The following PPM1L variants were observed in gnomAD, a reference collection of about 807,000 sequenced individuals.
The protein encoded by PPM1L is protein phosphatase 1L.
A neutral mutation model predicts 31.4 loss-of-function variants in PPM1L; 13 were observed. The ratio of observed to expected loss-of-function variants is 0.41; its 90% CI spans 0.27 to 0.66. The LOEUF is 0.66. Among genes scored for constraint, PPM1L ranks in the 30% least tolerant of loss-of-function variants. The pLI is 0.29. For missense variants in PPM1L, 326 were observed against 453.7 expected (o/e 0.72, Z 2.56); for synonymous variants, 184 against 175.4 (o/e 1.05, Z -0.39).
At chr3:160,967,106 A>T (rs1473942911) in intron 2 of PPM1L, among the ~76,000 whole-genome samples, 1 of 151,908 alleles carries the variant, frequency 6.6e-6, no homozygotes, top group African/African-American at 2.4e-5. Flanking sequence ...GGTAGTGAAT[A>T]AATCACACAA....
intron 1 of PPM1L, among the ~76,000 whole-genome samples, chr3:160,867,347 A>G (rs1401683459): frequency 8.7e-6 from 1 of 114,676 alleles, no homozygotes; most frequent in Non-Finnish European, 1.8e-5. Context: ...TTTTTTTTGC[A>G]TTAGAGAAAA....
intron 1 of PPM1L, among the ~76,000 whole-genome samples, chr3:160,799,072 G>A (rs934471595): frequency 1.9e-4 from 29 of 152,216 alleles, no homozygotes; most frequent in African/African-American, 6.3e-4. Flanking sequence ...AGTAGATGAG[G>A]AGGAGTTGCT....
chr3:160,776,510 A>G (rs937701534), intron 1 of PPM1L, among the ~76,000 whole-genome samples: 4 of 152,130 alleles, frequency 2.6e-5, no homozygotes, highest in Non-Finnish European at 1.5e-5. Flanking sequence ...ATGGCTATGA[A>G]TATTTAGACT....
intron 2 of PPM1L, among the ~76,000 whole-genome samples, chr3:160,974,490 A>C: frequency 6.6e-6 from 1 of 150,928 alleles, no homozygotes; most frequent in East Asian, 2.0e-4. Flanking sequence ...TCCCACCAAC[A>C]GTGTAAAAGT....
rs1553746135 is a variant in PPM1L at position 160,927,627 on chromosome 3, T to TGTGC, written c.400-34108_400-34107insTGCG. 3.2e-3 allele frequency among the ~76,000 whole-genome samples: 485 copies of TGTGC among 151,920 alleles called. 4 individuals carry two copies. Among genetic ancestry groups the TGTGC allele is most frequent in the African/African-American group, 0.011 (463 of 41,370 alleles). Reference sequence around the variant, plus strand: ...CCCTATGTGTGTGTGTGTGTGTGTGTGCGTGCGTGTGCGTGCGCGCGCATG... The same window carrying TGTGC: ...CCCTATGTGTGTGTGTGTGTGTGTGTGTGCGCGTGCGTGTGCGTGCGCGCGCATG... On this transcript the variant is annotated intron_variant, in intron 1 of 3. Transcript: ENST00000498165.
At chr3:160,817,375 G>C (rs541887763) in intron 1 of PPM1L, among the ~76,000 whole-genome samples, 6 of 152,080 alleles carry the variant, frequency 3.9e-5, no homozygotes, top group Admixed American at 3.9e-4. Flanking sequence ...TTGTTGAGAT[G>C]TGAGGTAATG....
chr3:161,056,814 T>C (rs901601999), intron 2 of PPM1L, among the ~76,000 whole-genome samples: 17 of 151,968 alleles, frequency 1.1e-4, no homozygotes, highest in Non-Finnish European at 2.2e-4. Context: ...GTAATCCTAG[T>C]ACTTTGGGAG....
chr3:161,030,123 A>ATTG (rs1718516871), intron 2 of PPM1L, among the ~76,000 whole-genome samples: 1 of 152,230 alleles, frequency 6.6e-6, no homozygotes, highest in African/African-American at 2.4e-5. Context: ...CAAATCAGCA[A>ATTG]CTGCTATGGT....
chr3:160,998,464 C>T, intron 2 of PPM1L, among the ~76,000 whole-genome samples: 1 of 152,002 alleles, frequency 6.6e-6, no homozygotes, highest in East Asian at 1.9e-4. Flanking sequence ...CATTCTTGTC[C>T]CTCTCTCTTC....
At chr3:160,945,229 G>A (rs893044055) in intron 1 of PPM1L, among the ~76,000 whole-genome samples, 3 of 151,170 alleles carry the variant, frequency 2.0e-5, no homozygotes, top group African/African-American at 7.3e-5. Flanking sequence ...GAGCCATGTG[G>A]TAACTATCTT....
chr3:160,790,189 A>G (rs1712060716), intron 1 of PPM1L, among the ~76,000 whole-genome samples: 1 of 152,166 alleles, frequency 6.6e-6, no homozygotes, highest in South Asian at 2.1e-4. Context: ...GGACTTTGAC[A>G]TCTTTCTTAG....
At chr3:160,867,188 A>T (rs1576678798) in intron 1 of PPM1L, among the ~76,000 whole-genome samples, 1 of 152,296 alleles carries the variant, frequency 6.6e-6, no homozygotes, top group South Asian at 2.1e-4. Context: ...AGCAAATAAT[A>T]TGGAGTTACT....
intron 1 of PPM1L, among the ~76,000 whole-genome samples, chr3:160,773,999 C>T (rs1407095922): frequency 1.3e-5 from 2 of 152,144 alleles, no homozygotes; most frequent in African/African-American, 4.8e-5. Flanking sequence ...TTTGGAGCTT[C>T]TATGGATTCA....
intron 1 of PPM1L, among the ~76,000 whole-genome samples, chr3:160,850,664 C>T (rs1711502888): frequency 6.6e-6 from 1 of 152,058 alleles, no homozygotes; most frequent in Admixed American, 6.5e-5. Flanking sequence ...TGGAGATTTC[C>T]AAGGGTTTTA....
intron 1 of PPM1L, among the ~76,000 whole-genome samples, chr3:160,771,655 A>C (rs1457073978): frequency 6.6e-6 from 1 of 150,742 alleles, no homozygotes; most frequent in Non-Finnish European, 1.5e-5. Flanking sequence ...AAGCAGAATA[A>C]ACATGTGACT....
At chr3:160,942,181 A>G (rs548659056) in intron 1 of PPM1L, among the ~76,000 whole-genome samples, 2 of 152,382 alleles carry the variant, frequency 1.3e-5, no homozygotes, top group East Asian at 3.9e-4. Flanking sequence ...GGAAGTTGTC[A>G]CTGTTTCCTG....
At chr3:160,915,016 T>C (rs1714116921) in intron 1 of PPM1L, among the ~76,000 whole-genome samples, 1 of 152,210 alleles carries the variant, frequency 6.6e-6, no homozygotes, top group Non-Finnish European at 1.5e-5. Context: ...TTTATGGTTT[T>C]GATTTGCATT....
At position 160,756,299 on chromosome 3, in the gene PPM1L, G is replaced by A. The variant is rs774931579; in HGVS notation, c.-10G>A. 3 of 1,599,654 alleles carry A rather than the reference G, an allele frequency of 1.9e-6. No homozygotes were observed. The highest frequency in any genetic ancestry group is 1.7e-4 in the Middle Eastern group (1 of 5,994). On this transcript the variant is annotated 5_prime_UTR_variant, in exon 1 of 4. Transcript: ENST00000498165. The surrounding 1 kb of genome is among the most constrained non-coding windows in gnomAD (Gnocchi z 6.2). ...GTCGCTGGTGGTGGTTGAGGCTCTA[G>A]CGATAATAAATGATAGAGGATACAA...
intron 1 of PPM1L, among the ~76,000 whole-genome samples, chr3:160,949,648 C>T (rs941790924): frequency 6.6e-6 from 1 of 152,106 alleles, no homozygotes; most frequent in Non-Finnish European, 1.5e-5. Context: ...TTTCTGCCAT[C>T]GTGCCTACAT....
Sources: gnomAD v4.1 joint callset for allele counts (sites outside exome capture counted in the v4.1 genomes callset) on GRCh38, gnomAD v4.1.1 for gene constraint, Gnocchi (gnomAD v3.1) non-coding constraint, MANE v1.5 for transcripts, NCBI Gene and HGNC (gene_info 2026-07-23, HGNC 2026-07-21) for gene names.